METTL15: variants seen among roughly 807,000 people sequenced by gnomAD.
The protein encoded by METTL15 is 12S rRNA N(4)-cytidine methyltransferase METTL15.
In METTL15, 34 loss-of-function variants were observed where a neutral mutation model predicts 38.3. The observed-to-expected ratio is 0.89, with a 90% CI of 0.68 to 1.18. The LOEUF is 1.18. Ranked by LOEUF, METTL15 falls within the 50% of genes most tolerant of loss-of-function variation. METTL15 has a pLI of 0.00. For missense variants in METTL15, 438 were observed against 498.4 expected, an observed-to-expected ratio of 0.88 and a Z score of 1.15; for synonymous variants, 162 against 170.9, an observed-to-expected ratio of 0.95 and a Z score of 0.41.
At position 28,424,314 on chromosome 11, in the gene METTL15, C is replaced by T. The variant is rs527298468; in HGVS notation, c.*374C>T. ...CTGTTTCTAGGCTGCACATGTTCTT[C>T]GGAAAAAGATCTAAAAGCATCACCT... On this transcript the variant is annotated 3_prime_UTR_variant and NMD_transcript_variant, in exon 6 of 8. Transcript: ENST00000532947. 7.2e-5 allele frequency: 11 copies of T among 152,134 alleles called. No homozygotes were observed. The East Asian group carries it at 9.7e-4, about 13-fold the overall frequency. The allele number at this position is 152,134 out of a possible 1,614,324, so 9.4% of individuals were successfully genotyped here. A position where few individuals can be genotyped will look rare whatever the true frequency, so the allele number is the denominator to read the frequency against.
At chr11:28,346,264 T>C (rs1182377949) in intron 3 of METTL15, among the ~76,000 whole-genome samples, 1 of 151,850 alleles carries the variant, frequency 6.6e-6, no homozygotes, top group African/African-American at 2.4e-5. Context: ...CACATTGTTA[T>C]GTTTTTTTGA....
At chr11:28,256,659 T>G (rs780063702) in intron 4 of METTL15, among the ~76,000 whole-genome samples, 14 of 152,054 alleles carry the variant, frequency 9.2e-5, no homozygotes, top group Non-Finnish European at 2.1e-4. Context: ...AACTTTTTAT[T>G]TCATTGTTCT....
intron 4 of METTL15, among the ~76,000 whole-genome samples, chr11:28,257,297 T>C (rs574779781): frequency 3.3e-5 from 5 of 152,368 alleles, no homozygotes; most frequent in Admixed American, 2.6e-4. Context: ...TCTTTTCCTT[T>C]GTGGCTTTTA....
intron 5 of METTL15, among the ~76,000 whole-genome samples, chr11:28,408,827 G>A (rs561280283): frequency 6.6e-6 from 1 of 152,060 alleles, no homozygotes; most frequent in Admixed American, 6.6e-5. Context: ...AATTGATCAG[G>A]TATGTATCTC....
At chr11:28,415,397 C>T (rs150537839) in intron 5 of METTL15, among the ~76,000 whole-genome samples, 1 of 152,200 alleles carries the variant, frequency 6.6e-6, no homozygotes, top group African/African-American at 2.4e-5. Context: ...AGCTATGAAT[C>T]CAGCTATTAT....
chr11:28,365,206 G>A (rs572927451), intron 5 of METTL15, among the ~76,000 whole-genome samples: 2 of 152,136 alleles, frequency 1.3e-5, no homozygotes, highest in East Asian at 1.9e-4. Flanking sequence ...ATGAGTTAGC[G>A]AGAAACCCTT....
intron 6 of METTL15, among the ~76,000 whole-genome samples, chr11:28,476,360 G>C (rs1851346160): frequency 6.6e-6 from 1 of 152,138 alleles, no homozygotes. Context: ...GTGTTGAGTT[G>C]TTGTCGAAAT....
rs78680206 is a variant in METTL15, at chr11:28,148,726, G to A, written c.270+35122G>A. 2.9e-3 allele frequency among the ~76,000 whole-genome samples: 445 copies of A among 152,046 alleles called. 4 individuals carry two copies. Among genetic ancestry groups the A allele is most frequent in the African/African-American group, 0.011 (437 of 41,522 alleles). Reference sequence around the variant, plus strand: ...CACATGTAAGTCACCAAGGGATTGAGATAAACTGATTTTATTTCAACTTTT... The same window carrying A: ...CACATGTAAGTCACCAAGGGATTGAAATAAACTGATTTTATTTCAACTTTT... On this transcript the variant is annotated intron_variant, in intron 3 of 6. Coordinates refer to ENST00000407364, the MANE Select transcript of METTL15 (RefSeq NM_001113528.2).
chr11:28,290,086 A>G (rs1251035593), intron 4 of METTL15, 120 bp from the exon 5 acceptor site: 3 of 850,404 alleles, frequency 3.5e-6, no homozygotes, highest in East Asian at 2.7e-5. Context: ...TAAGCACTCA[A>G]TAAATATATA....
chr11:28,377,882 C>T (rs1044209177), intron 5 of METTL15, among the ~76,000 whole-genome samples: 1 of 151,912 alleles, frequency 6.6e-6, no homozygotes, highest in African/African-American at 2.4e-5. Context: ...ACAGACAGGA[C>T]CCTCAGCTGC....
chr11:28,489,586 G>T (rs1453071772), intron 6 of METTL15, among the ~76,000 whole-genome samples: 1 of 152,092 alleles, frequency 6.6e-6, no homozygotes, highest in Non-Finnish European at 1.5e-5. Flanking sequence ...TAGAAAGGGA[G>T]ACTGAGTGCT....
At chr11:28,282,345 T>C (rs1856087641) in intron 4 of METTL15, among the ~76,000 whole-genome samples, 1 of 152,134 alleles carries the variant, frequency 6.6e-6, no homozygotes, top group Admixed American at 6.6e-5. Context: ...AAAAAGAAAC[T>C]ACCTTGTAAC....
chr11:28,527,785 G>T (rs180765251), downstream of METTL15, among the ~76,000 whole-genome samples: 17 of 152,272 alleles, frequency 1.1e-4, no homozygotes, highest in East Asian at 3.1e-3. Flanking sequence ...CAACAGATAG[G>T]AAATATGCTA....
At chr11:28,135,248 C>G (rs1315775142) in intron 3 of METTL15, among the ~76,000 whole-genome samples, 4 of 152,168 alleles carry the variant, frequency 2.6e-5, no homozygotes, top group Admixed American at 2.6e-4. Context: ...TAGTCCTATA[C>G]TTGACCAGAT....
At chr11:28,167,421 C>T (rs1017972203) in intron 3 of METTL15, among the ~76,000 whole-genome samples, 2 of 152,140 alleles carry the variant, frequency 1.3e-5, no homozygotes, top group African/African-American at 2.4e-5. Context: ...GCGAATCTGT[C>T]ACTGGTTCAG....
intron 4 of METTL15, among the ~76,000 whole-genome samples, chr11:28,283,897 TAAAGTG>T (rs1429486986): frequency 6.6e-6 from 1 of 151,992 alleles, no homozygotes; most frequent in Non-Finnish European, 1.5e-5. Flanking sequence ...TACTGAAAAT[TAAAGTG>T]AAAGGAAAAA....
chr11:28,315,487 A>G (rs1274515349), intron 6 of METTL15, among the ~76,000 whole-genome samples: 1 of 152,214 alleles, frequency 6.6e-6, no homozygotes, highest in East Asian at 1.9e-4. Context: ...GTTTTATAAG[A>G]GAAGCAGAGC....
intron 4 of METTL15, among the ~76,000 whole-genome samples, chr11:28,230,067 T>C (rs1048179658): frequency 6.6e-5 from 10 of 152,030 alleles, no homozygotes; most frequent in African/African-American, 2.4e-4. Context: ...CCATTTCTTG[T>C]TCTGAAGCCT....
chr11:28,313,482 A>G (rs1423341799), intron 6 of METTL15, among the ~76,000 whole-genome samples: 1 of 151,960 alleles, frequency 6.6e-6, no homozygotes, highest in Non-Finnish European at 1.5e-5. Flanking sequence ...TATAAAGTAC[A>G]GGATTTTTAT....
Sources: allele counts gnomAD v4.1 joint callset (sites outside exome capture counted in the v4.1 genomes callset), GRCh38; gene constraint gnomAD v4.1.1; transcripts MANE v1.5; gene names NCBI Gene and HGNC (gene_info 2026-07-23, HGNC 2026-07-21).